Variants in NRK observed in about 807,000 individuals in gnomAD.
NRK encodes nik-related protein kinase.
In NRK, 67 loss-of-function variants were observed where a neutral mutation model predicts 125.2. The ratio of observed to expected loss-of-function variants is 0.54; its 90% CI spans 0.44 to 0.66. NRK has a LOEUF of 0.66. Ranked by LOEUF, NRK falls within the 30% of genes least tolerant of loss-of-function variation. The pLI is 0.00. For synonymous variants in NRK, 458 were observed against 429.0 expected, an observed-to-expected ratio of 1.07 and a Z score of -0.84; for missense variants, 1,224 against 1,192.9, an observed-to-expected ratio of 1.03 and a Z score of -0.38.
At chrX:105,917,709 A>G in intron 16 of NRK, 37 bp downstream of exon 16, 1 of 668,926 alleles carries the variant, frequency 1.5e-6, no homozygotes, top group Non-Finnish European at 2.3e-6. Flanking sequence ...GGCAAAACAC[A>G]GAGCTACTGT....
At chrX:105,842,049 T>C (rs896038118) in intron 2 of NRK, among the ~76,000 whole-genome samples, 2 of 111,151 alleles carry the variant, frequency 1.8e-5, no homozygotes, top group Non-Finnish European at 3.8e-5. Context: ...CATAATATAG[T>C]ATATTCAGCT....
chrX:105,919,289 G>A (rs372815344), intron 16 of NRK, among the ~76,000 whole-genome samples: 14 of 110,383 alleles, frequency 1.3e-4, no homozygotes, highest in African/African-American at 3.9e-4. Context: ...TGAATTTTGA[G>A]CCTGTTAAAT....
At chrX:105,839,558 C>T (rs374227814) in intron 2 of NRK, among the ~76,000 whole-genome samples, 5 of 111,759 alleles carry the variant, frequency 4.5e-5, no homozygotes, top group African/African-American at 1.6e-4. Flanking sequence ...CCTCAAGCTG[C>T]TCTAGCATAG....
At chrX:105,914,292 T>A (rs209092) in intron 14 of NRK, among the ~76,000 whole-genome samples, 36,951 of 109,828 alleles carry the variant, frequency 0.34, 5,999 homozygotes, top group African/African-American at 0.64. Context: ...TGGCAGAAGG[T>A]ACATAAGCCA....
At chrX:105,948,076 CTT>C (rs939010303) in intron 26 of NRK, among the ~76,000 whole-genome samples, 1 of 107,319 alleles carries the variant, frequency 9.3e-6, no homozygotes, top group Non-Finnish European at 1.9e-5. Flanking sequence ...CTGCATCTCT[CTT>C]TTTTTTTTAA....
At chrX:105,868,689 T>C (rs945437309) in intron 2 of NRK, among the ~76,000 whole-genome samples, 1 of 109,150 alleles carries the variant, frequency 9.2e-6, no homozygotes, top group African/African-American at 3.3e-5. Flanking sequence ...AGTGGCTATA[T>C]CCACCATACT....
intron 2 of NRK, among the ~76,000 whole-genome samples, chrX:105,870,960 G>C (rs2039738549): frequency 1.8e-5 from 2 of 111,387 alleles, no homozygotes; most frequent in South Asian, 7.5e-4. Flanking sequence ...TGTAGCAAAG[G>C]TTTGGGTAAT....
At chrX:105,888,146 G>T (rs978645592) in intron 4 of NRK, 148 bp from the exon 5 acceptor site, 22 of 434,631 alleles carry the variant, frequency 5.1e-5, no homozygotes, top group Non-Finnish European at 8.2e-5. Flanking sequence ...TTCATTCACT[G>T]ACCATTTTAG....
rs1416438308 is a variant in NRK at position 105,957,693 on chromosome X, T to C, written c.*2093T>C. On this transcript the variant is annotated 3_prime_UTR_variant, in exon 29 of 29. Coordinates refer to ENST00000243300, the MANE Select transcript of NRK (RefSeq NM_198465.4). ...AGATTGTAAATGATAAACCGAGCTT[T>C]AAAGGATAAAGTGTTAATAAAGAAA... 9.0e-6 allele frequency: 1 copy of C among 111,506 alleles called. No homozygotes were observed. The highest frequency in any genetic ancestry group is 9.6e-5 in the Admixed American group (1 of 10,417). 9.2% of individuals were successfully genotyped at this position (111,506 alleles called of 1,213,427 possible). A position where few individuals can be genotyped will look rare whatever the true frequency, so the allele number is the denominator to read the frequency against.
At chrX:105,906,969 CA>C (rs1043506209) in intron 11 of NRK, among the ~76,000 whole-genome samples, 2 of 110,078 alleles carry the variant, frequency 1.8e-5, no homozygotes, top group Non-Finnish European at 3.8e-5. Context: ...GCTTTTTTTT[CA>C]GCTGGTATTT....
chrX:105,894,161 T>TAAA (rs1195034999), intron 6 of NRK, among the ~76,000 whole-genome samples: 3 of 112,131 alleles, frequency 2.7e-5, no homozygotes, highest in African/African-American at 9.7e-5. Context: ...TCATGGCCTT[T>TAAA]AATACCTCTG....
At chrX:105,822,517 A>C (rs2039034155), upstream of NRK, 1 of 297,137 alleles carries the variant, frequency 3.4e-6, no homozygotes, top group Non-Finnish European at 5.9e-6. Flanking sequence ...CCCACCCTGA[A>C]AGAGGCGCAC....
intron 4 of NRK, among the ~76,000 whole-genome samples, chrX:105,886,276 T>A: frequency 9.2e-6 from 1 of 108,732 alleles, no homozygotes; most frequent in Admixed American, 1.0e-4. Flanking sequence ...CTTTATATAC[T>A]GATTAAAACA....
Position 105,909,475 on chromosome X carries a change from G to T in NRK, c.1834G>T (p.Val612Leu). The change falls in exon 13 of 29, where the codon GTA (valine) becomes TTA (leucine). Residue 612 changes from valine to leucine, a missense_variant. Val to Leu is a conservative substitution (Grantham distance 32, BLOSUM62 1). Transcript: ENST00000243300. ...TTTGGATACTCAGGTGCTCATTCCAGTAGAGGGGCAAACTGAAGGATCACC... is the reference window on the plus strand; with the variant it reads ...TTTGGATACTCAGGTGCTCATTCCATTAGAGGGGCAAACTGAAGGATCACC... The part of the protein sequence containing the change: ...LHLDTQVLIP[V>L]EGQTEGSPQA... 8.3e-7 allele frequency: 1 copy of T among 1,209,810 alleles called. No individual in the cohort carries two copies. Among genetic ancestry groups the T allele is most frequent in the Non-Finnish European group, 1.1e-6 (1 of 894,170 alleles).
chrX:105,922,108 C>A, intron 17 of NRK, 47 bp downstream of exon 17: 1 of 639,797 alleles, frequency 1.6e-6, no homozygotes, highest in Middle Eastern at 3.1e-4. Flanking sequence ...TTTTATTTTC[C>A]ATTTATTTTG....
intron 2 of NRK, among the ~76,000 whole-genome samples, chrX:105,848,515 A>T (rs2039430173): frequency 8.9e-6 from 1 of 112,323 alleles, no homozygotes; most frequent in Non-Finnish European, 1.9e-5. Context: ...TTTTCAAATC[A>T]GAAATGATTC....
intron 16 of NRK, among the ~76,000 whole-genome samples, chrX:105,920,495 T>C (rs1355102092): frequency 2.0e-4 from 21 of 107,101 alleles, no homozygotes; most frequent in Admixed American, 1.0e-4. Flanking sequence ...AGTATGGCCA[T>C]TTTCACGATA....
Position 105,921,985 on chromosome X carries a change from G to T in NRK, c.2534G>T (p.Ser845Ile). ...ATAGAATCTTCTTCTGAGGAAGAAA[G>T]TCCTGTGACTGGAAGGAGGTCTCAG... ...AASESSSEEE[S>I]PVTGRRSQSS... Residue 845 changes from serine (S) to isoleucine (I), a missense_variant, in exon 17 of 29, where the codon AGT (serine) becomes ATT (isoleucine). Physicochemically the swap from Ser to Ile is moderately radical, Grantham distance 142. Coordinates refer to ENST00000243300, the MANE Select transcript of NRK (RefSeq NM_198465.4). The T allele has an allele frequency of 8.6e-7, 1 of 1,166,553 alleles. No individual in the cohort carries two copies. Among genetic ancestry groups the T allele is most frequent in the Non-Finnish European group, 1.2e-6 (1 of 857,541 alleles).
chrX:105,868,435 A>C (rs1458407788), intron 2 of NRK, among the ~76,000 whole-genome samples: 1 of 111,207 alleles, frequency 9.0e-6, no homozygotes, highest in Non-Finnish European at 1.9e-5. Flanking sequence ...CTCCTCCTAC[A>C]TGCATGCATA....
Sources: allele counts gnomAD v4.1 joint callset (sites outside exome capture counted in the v4.1 genomes callset), GRCh38; gene constraint gnomAD v4.1.1; transcripts MANE v1.5; gene names NCBI Gene and HGNC (gene_info 2026-07-23, HGNC 2026-07-21).